The following PDE7B variants were observed in gnomAD, a reference collection of about 807,000 sequenced individuals.
The protein encoded by PDE7B is 3',5'-cyclic-AMP phosphodiesterase 7B.
A neutral mutation model predicts 56.2 loss-of-function variants in PDE7B; 29 were observed. The ratio of observed to expected loss-of-function variants is 0.52; its 90% CI spans 0.38 to 0.70. The LOEUF (loss-of-function observed/expected upper bound fraction) is 0.70, where lower values mean the gene tolerates loss of function less well. Ranked by LOEUF, PDE7B falls within the 30% of genes least tolerant of loss-of-function variation. PDE7B has a pLI of 0.00. For synonymous variants in PDE7B, 197 were observed against 196.9 expected (o/e 1.00, Z 0.00); for missense variants, 490 against 565.0 (o/e 0.87, Z 1.35).
intron 2 of PDE7B, among the ~76,000 whole-genome samples, chr6:136,093,751 A>G (rs1293802824): frequency 1.3e-5 from 2 of 152,216 alleles, no homozygotes; most frequent in African/African-American, 4.8e-5. Context: ...GGGAAATGCA[A>G]TGCAGGACCT....
chr6:135,957,949 C>T (rs186128812), intron 2 of PDE7B, among the ~76,000 whole-genome samples: 140 of 152,178 alleles, frequency 9.2e-4, no homozygotes, highest in African/African-American at 3.3e-3. Context: ...ACTGCCTCTT[C>T]CAGCCAGAAC....
At chr6:136,093,049 A>G (rs1398650022) in intron 2 of PDE7B, among the ~76,000 whole-genome samples, 1 of 152,212 alleles carries the variant, frequency 6.6e-6, no homozygotes, top group Admixed American at 6.5e-5. Context: ...ATCATGTCGT[A>G]TACCATAAAC....
intron 2 of PDE7B, among the ~76,000 whole-genome samples, chr6:136,068,996 G>A (rs1047689060): frequency 6.6e-6 from 1 of 152,144 alleles, no homozygotes; most frequent in Non-Finnish European, 1.5e-5. Flanking sequence ...TAAGGTCTCT[G>A]TTTTAATGTC....
At chr6:136,177,706 AT>A (rs1779002620) in intron 9 of PDE7B, among the ~76,000 whole-genome samples, 2 of 152,332 alleles carry the variant, frequency 1.3e-5, no homozygotes, top group South Asian at 4.1e-4. Context: ...TTTGAAAATA[AT>A]TGGCATTATC....
chr6:136,050,095 C>T (rs1248839698), intron 2 of PDE7B, among the ~76,000 whole-genome samples: 1 of 152,166 alleles, frequency 6.6e-6, no homozygotes, highest in Admixed American at 6.5e-5. Flanking sequence ...CATGGTCTAA[C>T]CCTGAAGCCG....
rs1442501807 is a variant in PDE7B, at chr6:136,191,788, A to C, written c.1301A>C (p.Asp434Ala). ...AGCAGTGGCAGCGGGCCTGACCACG[A>C]CCACGCAGGCCAAGGGACTGAGAGC... The part of the protein sequence containing the change: ...RGSSGSGPDH[D>A]HAGQGTESEE... Residue 434 changes from aspartate to alanine, a missense_variant, in exon 13 of 13, where the codon GAC becomes GCC. Coordinates refer to ENST00000308191, the MANE Select transcript of PDE7B (RefSeq NM_018945.4). 6.4e-7 allele frequency: 1 copy of C among 1,570,064 alleles called. No homozygotes were observed. Among genetic ancestry groups the C allele is most frequent in the Non-Finnish European group, 8.6e-7 (1 of 1,158,242 alleles).
At chr6:136,123,835 G>A in intron 3 of PDE7B, among the ~76,000 whole-genome samples, 1 of 152,152 alleles carries the variant, frequency 6.6e-6, no homozygotes, top group Non-Finnish European at 1.5e-5. Flanking sequence ...AAGGCCAGTG[G>A]TACCACCTGA....
chr6:136,058,322 G>T (rs1336342045), intron 2 of PDE7B, among the ~76,000 whole-genome samples: 1 of 152,090 alleles, frequency 6.6e-6, no homozygotes, highest in Non-Finnish European at 1.5e-5. Flanking sequence ...ATCTTCAATT[G>T]GAAATAAAGG....
chr6:136,002,013 T>A (rs1775677847), intron 2 of PDE7B, among the ~76,000 whole-genome samples: 1 of 152,130 alleles, frequency 6.6e-6, no homozygotes, highest in African/African-American at 2.4e-5. Flanking sequence ...CGGCAGAAAC[T>A]CTATAAGCCA....
At chr6:136,185,820 C>T (rs1031786866) in intron 11 of PDE7B, among the ~76,000 whole-genome samples, 41 of 152,046 alleles carry the variant, frequency 2.7e-4, no homozygotes, top group Non-Finnish European at 1.3e-4. Context: ...TAGAACGTGC[C>T]TGGCACACGG....
chr6:135,901,166 G>T (rs1036409718), intron 1 of PDE7B, among the ~76,000 whole-genome samples: 1 of 152,120 alleles, frequency 6.6e-6, no homozygotes, highest in African/African-American at 2.4e-5. Context: ...TTCTCTTTAG[G>T]AAGAAGCAGA....
intron 2 of PDE7B, among the ~76,000 whole-genome samples, chr6:136,036,010 A>AC (rs1418941294): frequency 1.3e-5 from 2 of 152,182 alleles, no homozygotes; most frequent in Non-Finnish European, 2.9e-5. Flanking sequence ...CACTTAGGAA[A>AC]CTCTTCAGTT....
At chr6:136,085,452 G>A (rs1777276284) in intron 2 of PDE7B, among the ~76,000 whole-genome samples, 1 of 152,184 alleles carries the variant, frequency 6.6e-6, no homozygotes, top group South Asian at 2.1e-4. Flanking sequence ...AATGTGTGGG[G>A]ATTTGTGAAA....
intron 2 of PDE7B, among the ~76,000 whole-genome samples, chr6:135,949,159 T>C (rs1774651062): frequency 6.6e-6 from 1 of 152,082 alleles, no homozygotes; most frequent in African/African-American, 2.4e-5. Flanking sequence ...CACTGAAATA[T>C]TATTTGATTG....
intron 1 of PDE7B, among the ~76,000 whole-genome samples, chr6:135,904,345 T>G (rs1342623275): frequency 6.6e-6 from 1 of 152,150 alleles, no homozygotes; most frequent in Non-Finnish European, 1.5e-5. Context: ...TGGCTGAGCC[T>G]GATTATACAT....
chr6:135,915,306 G>A (rs1773886513), intron 1 of PDE7B, among the ~76,000 whole-genome samples: 1 of 152,194 alleles, frequency 6.6e-6, no homozygotes, highest in South Asian at 2.1e-4. Flanking sequence ...ATTCTTCGGA[G>A]TGGAATTGCT....
intron 7 of PDE7B, among the ~76,000 whole-genome samples, chr6:136,155,221 T>A (rs912849005): frequency 6.6e-6 from 1 of 152,172 alleles, no homozygotes; most frequent in African/African-American, 2.4e-5. Context: ...AATACACAAA[T>A]GATTTTTAAG....
chr6:135,875,085 A>G (rs1341823567), intron 1 of PDE7B, among the ~76,000 whole-genome samples: 1 of 151,712 alleles, frequency 6.6e-6, no homozygotes, highest in Non-Finnish European at 1.5e-5. Context: ...GATCTTTTTT[A>G]TCCTCTTACT....
intron 8 of PDE7B, among the ~76,000 whole-genome samples, chr6:136,161,634 T>G (rs1014281648): frequency 6.6e-6 from 1 of 152,218 alleles, no homozygotes; most frequent in Non-Finnish European, 1.5e-5. Context: ...ATTTTAAAAT[T>G]TCTTTGGATT....
Sources: gnomAD v4.1 joint callset for allele counts (sites outside exome capture counted in the v4.1 genomes callset) on GRCh38, gnomAD v4.1.1 for gene constraint, MANE v1.5 for transcripts, NCBI Gene and HGNC (gene_info 2026-07-23, HGNC 2026-07-21) for gene names.